CACNA1A: variants seen among roughly 807,000 people sequenced by gnomAD.
CACNA1A encodes calcium voltage-gated channel subunit alpha1 A.
In CACNA1A, 57 loss-of-function variants were observed where a neutral mutation model predicts 262.4. The observed-to-expected ratio is 0.22, with a 90% confidence interval of 0.18 to 0.27. The LOEUF is 0.27. Among genes scored for constraint, CACNA1A ranks in the 10% least tolerant of loss-of-function variants. The probability of loss-of-function intolerance (pLI) is 1.00; values close to 1 mark genes in which losing one functional copy is unlikely to be tolerated. For missense variants in CACNA1A, 2,526 were observed against 3,562.8 expected, an observed-to-expected ratio of 0.71 and a Z score of 7.41; for synonymous variants, 1,431 against 1,419.3, an observed-to-expected ratio of 1.01 and a Z score of -0.18.
At chr19:13,286,324 A>G (rs563456571) in intron 20 of CACNA1A, among the ~76,000 whole-genome samples, 179 bp downstream of exon 20, 11 of 152,134 alleles carry the variant, frequency 7.2e-5, no homozygotes, top group Non-Finnish European at 1.2e-4. Flanking sequence ...ACTGTGCACA[A>G]ATTATCTCAC....
At chr19:13,230,918 A>G (rs2055640428) in intron 35 of CACNA1A, among the ~76,000 whole-genome samples, 1 of 151,960 alleles carries the variant, frequency 6.6e-6, no homozygotes, top group South Asian at 2.1e-4. Flanking sequence ...CAAGAGAACC[A>G]CTGTGACCCC....
chr19:13,219,080 T>C (rs1282485235), intron 38 of CACNA1A, among the ~76,000 whole-genome samples: 1 of 137,280 alleles, frequency 7.3e-6, no homozygotes, highest in Non-Finnish European at 1.6e-5. Context: ...AGTCTCACTC[T>C]GTCCAGCCTG....
chr19:13,336,600 A>G (rs866556918), intron 6 of CACNA1A, among the ~76,000 whole-genome samples: 3 of 110,860 alleles, frequency 2.7e-5, no homozygotes, highest in African/African-American at 1.2e-4. Context: ...AGAGGGAGAG[A>G]GAGAGAGAGA....
chr19:13,208,508 T>TGCGGGCGGCGGGGA (rs2054663156), intron 46 of CACNA1A, among the ~76,000 whole-genome samples: 1 of 12,042 alleles, frequency 8.3e-5, no homozygotes, highest in Non-Finnish European at 1.7e-4. Flanking sequence ...AGCAAGCAGC[T>TGCGGGCGGCGGGGA]GCGGGCGGCG....
intron 1 of CACNA1A, among the ~76,000 whole-genome samples, chr19:13,499,862 G>A (rs992362808): frequency 2.6e-5 from 4 of 152,002 alleles, no homozygotes; most frequent in African/African-American, 9.7e-5. Flanking sequence ...GTTACTGCAC[G>A]GCTCTTAGGC....
In CACNA1A at chr19:13,318,890, C is replaced by CTTTTTTTTTTTTTTTTTTTTTTTTTTTT. The variant is rs751530649; in HGVS notation, c.1346-1570_1346-1569insAAAAAAAAAAAAAAAAAAAAAAAAAAAA. Among the ~76,000 whole-genome samples the CTTTTTTTTTTTTTTTTTTTTTTTTTTTT allele has an allele frequency of 4.7e-4, 54 of 114,670 alleles. 7 individuals carry two copies. Among genetic ancestry groups the CTTTTTTTTTTTTTTTTTTTTTTTTTTTT allele is most frequent in the East Asian group, 9.4e-4 (3 of 3,192 alleles). 75.2% of individuals were successfully genotyped at this position (114,670 alleles called of 152,430 possible). A position where few individuals can be genotyped will look rare whatever the true frequency, so the allele number is the denominator to read the frequency against. On this transcript the variant is annotated intron_variant, in intron 10 of 46. Transcript: ENST00000360228. ...ATTGAATTTACCTTCTAAAATACAT[C>CTTTTTTTTTTTTTTTTTTTTTTTTTTTT]TTTTTTTTTTTTTTTTGAGACAGGA... is the stretch of plus-strand genomic sequence containing the variant.
chr19:13,471,355 A>G (rs1425583754), intron 1 of CACNA1A, among the ~76,000 whole-genome samples: 4 of 152,098 alleles, frequency 2.6e-5, no homozygotes, highest in African/African-American at 7.2e-5. Context: ...CTCTTTCTCT[A>G]TTAACCTTTG....
intron 24 of CACNA1A, among the ~76,000 whole-genome samples, chr19:13,269,173 G>A (rs911614442): frequency 6.6e-6 from 1 of 152,080 alleles, no homozygotes; most frequent in African/African-American, 2.4e-5. Context: ...CTTTACGGAT[G>A]ATTGAGGGAG....
At chr19:13,402,847 CAT>C (rs113824375) in intron 3 of CACNA1A, among the ~76,000 whole-genome samples, 9,073 of 110,442 alleles carry the variant, frequency 0.082, 614 homozygotes, top group South Asian at 0.2. Context: ...TATATATACA[CAT>C]ATATATATAC....
At chr19:13,235,349 G>C in intron 32 of CACNA1A, 75 bp from the exon 33 acceptor site, 1 of 1,402,008 alleles carries the variant, frequency 7.1e-7, no homozygotes, top group Non-Finnish European at 9.9e-7. Context: ...TTGTCCCAGT[G>C]CTCTGCCCCA....
chr19:13,329,201 A>G (rs953598548), intron 10 of CACNA1A, among the ~76,000 whole-genome samples: 7 of 152,064 alleles, frequency 4.6e-5, no homozygotes, highest in African/African-American at 1.7e-4. Flanking sequence ...CCTCCCTCGA[A>G]CTCTGGCCCT....
intron 31 of CACNA1A, among the ~76,000 whole-genome samples, chr19:13,238,892 C>G (rs1016063726): frequency 2.0e-5 from 3 of 151,988 alleles, no homozygotes. Context: ...CAGCCTATCT[C>G]CCAGTTTTAA....
At chr19:13,313,346 C>T (rs1245536246) in intron 11 of CACNA1A, among the ~76,000 whole-genome samples, 3 of 151,816 alleles carry the variant, frequency 2.0e-5, no homozygotes, top group Non-Finnish European at 2.9e-5. Context: ...ACTAAAAATA[C>T]AAAAATTAGC....
rs747413278 is a variant in CACNA1A at position 13,298,820 on chromosome 19, C to T, written c.2813G>A (p.Gly938Asp). ...PHRRHVHRQG[G>D]SRESRSGSPR... ...GGACCCGCTGCGGCTCTCCCTGCTG[C>T]CCCCCTGCCGGTGCACGTGCCTCCG... The change falls in exon 19 of 47, where the codon GGC becomes GAC. Residue 938 changes from glycine (G) to aspartate (D), a missense_variant. Gly to Asp is a moderately conservative substitution (Grantham distance 94). Coordinates refer to ENST00000360228, the MANE Select transcript of CACNA1A (RefSeq NM_001127222.2). 10 of 1,570,824 alleles carry T rather than the reference C, an allele frequency of 6.4e-6. No homozygotes were observed. The highest frequency in any genetic ancestry group is 2.0e-4 in the Middle Eastern group (1 of 5,018).
chr19:13,278,256 G>A (rs75418892), intron 22 of CACNA1A, among the ~76,000 whole-genome samples: 4,800 of 152,068 alleles, frequency 0.032, 95 homozygotes, highest in Non-Finnish European at 0.051. Context: ...AGTCCTCCCC[G>A]AGGCCCTCAA....
intron 24 of CACNA1A, chr19:13,272,678 GAGAC>G (rs898253092): frequency 3.3e-5 from 5 of 151,364 alleles, no homozygotes; most frequent in South Asian, 2.1e-4. Flanking sequence ...CGAACAGAAA[GAGAC>G]AGAGAGAGGG....
chr19:13,210,801 G>A (rs958687868), intron 43 of CACNA1A, 149 bp from the exon 44 acceptor site: 1 of 838,830 alleles, frequency 1.2e-6, no homozygotes, highest in Non-Finnish European at 2.0e-6. Flanking sequence ...GGAGGGAGAA[G>A]GCAGGGAGGA....
At chr19:13,502,878 C>T (rs1982554029) in intron 1 of CACNA1A, among the ~76,000 whole-genome samples, 1 of 152,138 alleles carries the variant, frequency 6.6e-6, no homozygotes, top group Non-Finnish European at 1.5e-5. Flanking sequence ...CACTCTTAGG[C>T]CCTGTGAGCA....
intron 1 of CACNA1A, among the ~76,000 whole-genome samples, chr19:13,470,783 G>A (rs1415863958): frequency 5.3e-5 from 8 of 152,200 alleles, no homozygotes; most frequent in Admixed American, 2.0e-4. Context: ...AGGAGGGGGA[G>A]TTGGGGCATT....
Sources: allele counts gnomAD v4.1 joint callset (sites outside exome capture counted in the v4.1 genomes callset), GRCh38; gene constraint gnomAD v4.1.1; transcripts MANE v1.5; gene names NCBI Gene and HGNC (gene_info 2026-07-23, HGNC 2026-07-21).